ATP2B2: variants seen among roughly 807,000 people sequenced by gnomAD.
ATP2B2 encodes the protein plasma membrane calcium-transporting ATPase 2.
In ATP2B2, 15 loss-of-function variants were observed where a neutral mutation model predicts 120.0. That is an observed-to-expected ratio of 0.12 (90% CI 0.08 to 0.19). The LOEUF (loss-of-function observed/expected upper bound fraction) is 0.19, where lower values mean the gene tolerates loss of function less well. Ranked by LOEUF, ATP2B2 falls within the 10% of genes least tolerant of loss-of-function variation. ATP2B2 has a pLI of 1.00. For synonymous variants in ATP2B2, 694 were observed against 700.3 expected, an observed-to-expected ratio of 0.99 and a Z score of 0.14; for missense variants, 1,045 against 1,719.8, an observed-to-expected ratio of 0.61 and a Z score of 6.94.
At chr3:10,473,716 G>C (rs2065099519) in intron 1 of ATP2B2, among the ~76,000 whole-genome samples, 1 of 152,226 alleles carries the variant, frequency 6.6e-6, no homozygotes, top group Admixed American at 6.5e-5. Context: ...GCAAAGAGCT[G>C]GGGCAGTATG....
chr3:10,638,983 T>C (rs912330581), intron 1 of ATP2B2, among the ~76,000 whole-genome samples: 1 of 152,138 alleles, frequency 6.6e-6, no homozygotes, highest in African/African-American at 2.4e-5. Flanking sequence ...ACAAGAGAAC[T>C]AGAGAAATTC....
At chr3:10,531,987 C>T (rs2067219004) in intron 3 of ATP2B2, among the ~76,000 whole-genome samples, 1 of 151,898 alleles carries the variant, frequency 6.6e-6, no homozygotes, top group Non-Finnish European at 1.5e-5. Flanking sequence ...TTCTCCCCGC[C>T]CCACCACCCT....
rs113016578 is a variant in ATP2B2, at chr3:10,384,693, C to T, written c.1000+575G>A. ...CCAGTCCACATCCGAAGGACAGAAC[C>T]AGGCCCGAGCCCAAGCGAACCCCCT... On this transcript the variant is annotated intron_variant, in intron 8 of 22. Coordinates refer to ENST00000360273, the MANE Select transcript of ATP2B2 (RefSeq NM_001001331.4). Among the ~76,000 whole-genome samples the T allele has an allele frequency of 3.6e-3, 546 of 152,314 alleles. 3 individuals carry two copies. The highest frequency in any genetic ancestry group is 0.012 in the African/African-American group (514 of 41,572).
intron 10 of ATP2B2, among the ~76,000 whole-genome samples, chr3:10,376,373 C>G (rs887428862): frequency 6.6e-6 from 1 of 152,094 alleles, no homozygotes; most frequent in Non-Finnish European, 1.5e-5. Context: ...TTTGAGCAGA[C>G]ACCAGTCGCA....
At chr3:10,479,565 A>G (rs980860852) in intron 1 of ATP2B2, among the ~76,000 whole-genome samples, 2 of 152,078 alleles carry the variant, frequency 1.3e-5, no homozygotes, top group Admixed American at 6.6e-5. Context: ...AAGAACCCTT[A>G]TCACCACCTC....
At chr3:10,557,765 C>T (rs780695445) in intron 2 of ATP2B2, among the ~76,000 whole-genome samples, 1 of 152,182 alleles carries the variant, frequency 6.6e-6, no homozygotes, top group Non-Finnish European at 1.5e-5. Context: ...CAGTACCTGG[C>T]AGGCATGGGT....
At chr3:10,482,436 C>T (rs538907112) in intron 1 of ATP2B2, among the ~76,000 whole-genome samples, 36 of 152,342 alleles carry the variant, frequency 2.4e-4, no homozygotes, top group African/African-American at 8.2e-4. Flanking sequence ...GCCTCAATTG[C>T]CACCTTTGGG....
intron 3 of ATP2B2, among the ~76,000 whole-genome samples, chr3:10,516,962 A>ATGTG (rs112098821): frequency 0.062 from 9,360 of 149,786 alleles, 474 homozygotes; most frequent in African/African-American, 0.14. Flanking sequence ...CAATTTTCAG[A>ATGTG]TGTGTGTGTG....
Position 10,329,929 on chromosome 3 carries a change from C to T in ATP2B2, c.3421-804G>A, listed in dbSNP as rs969528101. On this transcript the variant is annotated intron_variant, in intron 22 of 22. Coordinates refer to ENST00000360273, the MANE Select transcript of ATP2B2 (RefSeq NM_001001331.4). The surrounding 1 kb of genome is among the most constrained non-coding windows in gnomAD (Gnocchi z 5.9). ...GGTCGTTTGTACCCAGCGTTTCTTT[C>T]CTTCATGCATTTGGGAGGTAAACAC... is the stretch of plus-strand genomic sequence containing the variant. 4.6e-5 allele frequency among the ~76,000 whole-genome samples: 7 copies of T among 152,266 alleles called. No individual in the cohort carries two copies. Among genetic ancestry groups the T allele is most frequent in the South Asian group, 4.1e-4 (2 of 4,822 alleles).
chr3:10,495,316 T>G (rs1209160923), intron 1 of ATP2B2, among the ~76,000 whole-genome samples: 1 of 152,142 alleles, frequency 6.6e-6, no homozygotes, highest in East Asian at 1.9e-4. Flanking sequence ...GCAACCTTGG[T>G]CAATTCCTCT....
At chr3:10,555,239 T>A (rs2067753746) in intron 2 of ATP2B2, among the ~76,000 whole-genome samples, 1 of 152,266 alleles carries the variant, frequency 6.6e-6, no homozygotes, top group Non-Finnish European at 1.5e-5. Context: ...CCCTGCTCTG[T>A]GTTTCACAGC....
intron 2 of ATP2B2, among the ~76,000 whole-genome samples, chr3:10,578,248 GT>G (rs1015838740): frequency 6.6e-6 from 1 of 152,152 alleles, no homozygotes; most frequent in African/African-American, 2.4e-5. Flanking sequence ...TTTGGAAAAA[GT>G]TTTGGTAGTT....
At chr3:10,389,003 C>T (rs2061766161) in intron 5 of ATP2B2, among the ~76,000 whole-genome samples, 1 of 152,082 alleles carries the variant, frequency 6.6e-6, no homozygotes, top group Non-Finnish European at 1.5e-5. Context: ...GGACCTCATG[C>T]ATTTCATTTT....
In ATP2B2 at chr3:10,410,772, A is replaced by T. The variant is rs770007292; in HGVS notation, c.243T>A (p.Ile81=). The change falls in exon 3 of 23, where the codon ATT becomes ATA. Residue 81 remains isoleucine, a synonymous_variant. Transcript: ENST00000360273. ...TTGGAGGTATAAAGTTTTGCCCAAA[A>T]ATTTGCTTTCTCTTTTCCAGGTCTG... The part of the protein sequence containing the change: ...TAPDLEKRKQ[I]FGQNFIPPKK... 4.9e-5 allele frequency: 79 copies of T among 1,614,012 alleles called. No individual in the cohort carries two copies. Among genetic ancestry groups the T allele is most frequent in the Admixed American group, 1.7e-5 (1 of 60,006 alleles).
upstream of ATP2B2, among the ~76,000 whole-genome samples, chr3:10,507,574 C>T (rs2125429038): frequency 6.6e-6 from 1 of 152,336 alleles, no homozygotes; most frequent in Middle Eastern, 3.4e-3. Context: ...TGCCAGCCTA[C>T]ATGTCTGTGC....
At chr3:10,373,973 G>A (rs1230785179) in intron 11 of ATP2B2, among the ~76,000 whole-genome samples, 1 of 152,116 alleles carries the variant, frequency 6.6e-6, no homozygotes, top group Non-Finnish European at 1.5e-5. Flanking sequence ...TCTTGATGGT[G>A]GCTCCCAGGT....
chr3:10,385,715 A>G (rs559595950), intron 7 of ATP2B2, among the ~76,000 whole-genome samples: 24 of 152,316 alleles, frequency 1.6e-4, no homozygotes, highest in Admixed American at 3.3e-4. Context: ...AAAAATATTC[A>G]CTAGGCAGTG....
chr3:10,684,236 G>C (rs978579761), intron 1 of ATP2B2, among the ~76,000 whole-genome samples: 3 of 152,184 alleles, frequency 2.0e-5, no homozygotes, highest in African/African-American at 7.2e-5. Context: ...TATGGATAAA[G>C]GAAGGAGAAG....
intron 1 of ATP2B2, among the ~76,000 whole-genome samples, chr3:10,641,495 A>G (rs1559500645): frequency 6.6e-6 from 1 of 152,048 alleles, no homozygotes; most frequent in East Asian, 1.9e-4. Context: ...TCAAAATTCA[A>G]CTCTCTGATT....
Sources: allele counts gnomAD v4.1 joint callset (sites outside exome capture counted in the v4.1 genomes callset), GRCh38; gene constraint gnomAD v4.1.1; non-coding constraint Gnocchi (gnomAD v3.1); transcripts MANE v1.5; gene names NCBI Gene and HGNC (gene_info 2026-07-23, HGNC 2026-07-21).